DOCK10: variants seen among roughly 807,000 people sequenced by gnomAD.
The protein encoded by DOCK10 is dedicator of cytokinesis protein 10.
A neutral mutation model predicts 280.1 loss-of-function variants in DOCK10; 145 were observed. That is an observed-to-expected ratio of 0.52 (90% CI 0.45 to 0.59). The LOEUF is 0.59. Ranked by LOEUF, DOCK10 falls within the 20% of genes least tolerant of loss-of-function variation. The probability of loss-of-function intolerance (pLI) is 0.00; values close to 1 mark genes in which losing one functional copy is unlikely to be tolerated. For missense variants in DOCK10, 2,368 were observed against 2,651.7 expected (o/e 0.89, Z 2.35); for synonymous variants, 915 against 942.2 (o/e 0.97, Z 0.53).
chr2:224,776,077 TG>T (rs1487413376), intron 51 of DOCK10, among the ~76,000 whole-genome samples: 1 of 151,920 alleles, frequency 6.6e-6, no homozygotes, highest in Non-Finnish European at 1.5e-5. Context: ...GAAGACAGGC[TG>T]GGGGTACTAA....
At chr2:224,984,897 A>G (rs998806127) in intron 1 of DOCK10, among the ~76,000 whole-genome samples, 3 of 148,822 alleles carry the variant, frequency 2.0e-5, no homozygotes, top group African/African-American at 7.5e-5. Context: ...GCTGGAGTAC[A>G]GTGGCAGGAT....
intron 1 of DOCK10, among the ~76,000 whole-genome samples, chr2:225,035,576 A>ATATATATATATATATATATTATAT: frequency 1.0e-5 from 1 of 97,050 alleles, no homozygotes; most frequent in South Asian, 3.3e-4. Flanking sequence ...ATATATATAT[A>ATATATATATATATATATATTATAT]TATATATATA....
intron 11 of DOCK10, among the ~76,000 whole-genome samples, chr2:224,869,670 A>G (rs1209206246): frequency 3.3e-5 from 5 of 152,172 alleles, no homozygotes; most frequent in African/African-American, 1.2e-4. Context: ...CGTACAAAAC[A>G]CTCCAAATCA....
At chr2:225,012,963 G>A (rs1559958342) in intron 1 of DOCK10, among the ~76,000 whole-genome samples, 1 of 152,172 alleles carries the variant, frequency 6.6e-6, no homozygotes. Context: ...ACTTCGCTAT[G>A]ATGGCAGGGT....
At chr2:224,765,863 A>G (rs1690052333) in intron 55 of DOCK10, 26 bp from the exon 56 acceptor site, 2 of 1,564,024 alleles carry the variant, frequency 1.3e-6, no homozygotes, top group East Asian at 2.2e-5. Flanking sequence ...AACACAACAC[A>G]ACAGAATGCA....
At chr2:225,011,864 T>C (rs73083785) in intron 1 of DOCK10, among the ~76,000 whole-genome samples, 2 of 152,154 alleles carry the variant, frequency 1.3e-5, no homozygotes, top group African/African-American at 4.8e-5. Flanking sequence ...CAAAACGACC[T>C]GAGCTGCTCT....
intron 1 of DOCK10, among the ~76,000 whole-genome samples, chr2:224,978,347 C>T (rs543796141): frequency 8.9e-4 from 135 of 152,210 alleles, no homozygotes; most frequent in African/African-American, 3.2e-3. Context: ...GCAGAAGAAT[C>T]GCTTGAACCC....
intron 7 of DOCK10, among the ~76,000 whole-genome samples, chr2:224,882,601 A>C (rs1699040538): frequency 6.6e-6 from 1 of 152,210 alleles, no homozygotes; most frequent in Admixed American, 6.5e-5. Context: ...CTGAAATGGC[A>C]TATTCACTAA....
chr2:224,993,637 A>G (rs1395673179), intron 1 of DOCK10, among the ~76,000 whole-genome samples: 1 of 152,182 alleles, frequency 6.6e-6, no homozygotes, highest in African/African-American at 2.4e-5. Context: ...TCTTTTAGGC[A>G]AAGTATTGTT....
rs571491291 is a variant in DOCK10 at position 224,814,093 on chromosome 2, A to C, written c.3409+227T>G. On this transcript the variant is annotated intron_variant, in intron 31 of 55. Transcript: ENST00000258390. ...GAAATTTCAGATGCTTTGGGAAATTAAAAAATATTGCCAACCTCTGGAGAA... is the reference window on the plus strand; with the variant it reads ...GAAATTTCAGATGCTTTGGGAAATTCAAAAATATTGCCAACCTCTGGAGAA... Among the ~76,000 whole-genome samples, 5 of 152,356 alleles carry C rather than the reference A, an allele frequency of 3.3e-5. No homozygotes were observed. The South Asian group carries it at 1.0e-3, about 32-fold the overall frequency.
At chr2:224,876,302 G>A (rs1240926375) in intron 7 of DOCK10, 81 bp from the exon 8 acceptor site, 9 of 1,269,058 alleles carry the variant, frequency 7.1e-6, no homozygotes, top group African/African-American at 3.0e-5. Context: ...GTGGGCTTGA[G>A]GTTCCAAAAG....
At chr2:224,965,424 C>G (rs1271162096) in intron 1 of DOCK10, among the ~76,000 whole-genome samples, 1 of 152,138 alleles carries the variant, frequency 6.6e-6, no homozygotes, top group Non-Finnish European at 1.5e-5. Flanking sequence ...AACTTTTCTG[C>G]CTTTATCTCT....
At chr2:225,041,601 A>G (rs1198751454) in intron 1 of DOCK10, among the ~76,000 whole-genome samples, 4 of 152,222 alleles carry the variant, frequency 2.6e-5, no homozygotes, top group Admixed American at 1.3e-4. Flanking sequence ...TCTTAGAAAA[A>G]TATCAGAAAC....
intron 1 of DOCK10, among the ~76,000 whole-genome samples, chr2:225,015,056 C>A (rs910390837): frequency 6.6e-6 from 1 of 152,266 alleles, no homozygotes; most frequent in African/African-American, 2.4e-5. Flanking sequence ...GAATAAAATT[C>A]TTTTCGCTCC....
At chr2:225,006,583 A>G (rs1262392139) in intron 1 of DOCK10, among the ~76,000 whole-genome samples, 1 of 152,182 alleles carries the variant, frequency 6.6e-6, no homozygotes, top group African/African-American at 2.4e-5. Context: ...GATGAAGGTA[A>G]TGTCTCTGTC....
At chr2:224,925,896 T>G (rs1343661355) in intron 2 of DOCK10, among the ~76,000 whole-genome samples, 2 of 152,262 alleles carry the variant, frequency 1.3e-5, no homozygotes, top group African/African-American at 2.4e-5. Context: ...TGATTCAATG[T>G]GTCCTTGAAA....
At chr2:224,931,175 C>T (rs929434747) in intron 2 of DOCK10, among the ~76,000 whole-genome samples, 1 of 152,184 alleles carries the variant, frequency 6.6e-6, no homozygotes, top group African/African-American at 2.4e-5. Context: ...GGAGTCCTGT[C>T]TTTGCCATTG....
intron 19 of DOCK10, among the ~76,000 whole-genome samples, chr2:224,846,535 C>A (rs1351708646): frequency 1.4e-5 from 2 of 140,176 alleles, no homozygotes; most frequent in Non-Finnish European, 3.0e-5. Flanking sequence ...GAGTCTTGCT[C>A]TGTCACCAGG....
At chr2:225,007,030 C>A (rs16866455) in intron 1 of DOCK10, among the ~76,000 whole-genome samples, 38 of 152,186 alleles carry the variant, frequency 2.5e-4, no homozygotes, top group Middle Eastern at 3.4e-3. Context: ...ATGAAAGGAA[C>A]GTGAGATAGA....
Sources: gnomAD v4.1 joint callset for allele counts (sites outside exome capture counted in the v4.1 genomes callset) on GRCh38, gnomAD v4.1.1 for gene constraint, MANE v1.5 for transcripts, NCBI Gene and HGNC (gene_info 2026-07-23, HGNC 2026-07-21) for gene names.